The following TRABD2B variants were observed in gnomAD, a reference collection of about 807,000 sequenced individuals.
TRABD2B encodes the protein TraB domain containing 2B.
A neutral mutation model predicts 40.1 loss-of-function variants in TRABD2B; 14 were observed. The ratio of observed to expected loss-of-function variants is 0.35; its 90% confidence interval spans 0.23 to 0.55. TRABD2B has a LOEUF of 0.55. Among genes scored for constraint, TRABD2B ranks in the 20% least tolerant of loss-of-function variants. The pLI is 0.90. For missense variants in TRABD2B, 541 were observed against 648.6 expected, an observed-to-expected ratio of 0.83 and a Z score of 1.80; for synonymous variants, 263 against 277.0, an observed-to-expected ratio of 0.95 and a Z score of 0.50.
intron 2 of TRABD2B, among the ~76,000 whole-genome samples, chr1:47,953,913 G>A (rs1645381299): frequency 6.6e-6 from 1 of 152,154 alleles, no homozygotes; most frequent in Non-Finnish European, 1.5e-5. Flanking sequence ...ACATGAATTC[G>A]GAGAATCAGA....
intron 2 of TRABD2B, among the ~76,000 whole-genome samples, chr1:47,835,636 A>T (rs1645308529): frequency 6.6e-6 from 1 of 152,244 alleles, no homozygotes; most frequent in Non-Finnish European, 1.5e-5. Flanking sequence ...TAAAAGGAAA[A>T]GAACGTCAAT....
chr1:47,996,757 G>A lies in TRABD2B; in HGVS notation c.33C>T (p.Ala11=). The part of the protein sequence containing the change: MHAALAGPLL[A]ALLATARARP... Reference sequence around the variant, plus strand: ...GGGCGCGAGCGGTGGCGAGGAGGGCGGCGAGCAGCGGCCCCGCCAGGGCGG... The same window carrying A: ...GGGCGCGAGCGGTGGCGAGGAGGGCAGCGAGCAGCGGCCCCGCCAGGGCGG... The change falls in exon 1 of 7, where the codon GCC becomes GCT. Residue 11 remains alanine (A), a synonymous_variant. Transcript: ENST00000606738. The surrounding 1 kb of genome is among the most constrained non-coding windows in gnomAD (Gnocchi z 4.6). The A allele has an allele frequency of 2.5e-6, 3 of 1,218,964 alleles. No individual in the cohort carries two copies. Among genetic ancestry groups the A allele is most frequent in the Non-Finnish European group, 3.1e-6 (3 of 979,118 alleles). 75.5% of individuals were successfully genotyped at this position (1,218,964 alleles called of 1,614,324 possible).
chr1:47,957,170 A>G (rs1645436892), intron 2 of TRABD2B, among the ~76,000 whole-genome samples: 1 of 152,224 alleles, frequency 6.6e-6, no homozygotes, highest in Non-Finnish European at 1.5e-5. Context: ...AAAACTCACA[A>G]ACAGAAAGGA....
intron 2 of TRABD2B, among the ~76,000 whole-genome samples, chr1:47,991,414 A>G (rs1250092263): frequency 1.3e-5 from 2 of 152,096 alleles, no homozygotes; most frequent in Admixed American, 1.3e-4. Context: ...GGGCCCAGAG[A>G]GAGGAAGTGA....
intron 6 of TRABD2B, among the ~76,000 whole-genome samples, chr1:47,766,800 T>C (rs910682581): frequency 6.6e-6 from 1 of 152,154 alleles, no homozygotes; most frequent in African/African-American, 2.4e-5. Context: ...CTTTGCACAG[T>C]TGCAGGATAT....
At chr1:47,850,242 C>T (rs1645529755) in intron 2 of TRABD2B, among the ~76,000 whole-genome samples, 1 of 152,198 alleles carries the variant, frequency 6.6e-6, no homozygotes, top group South Asian at 2.1e-4. Context: ...GGGCAAAGGC[C>T]TGAACACAGA....
At chr1:47,883,104 T>C (rs1267162076) in intron 2 of TRABD2B, among the ~76,000 whole-genome samples, 2 of 152,184 alleles carry the variant, frequency 1.3e-5, no homozygotes, top group African/African-American at 4.8e-5. Flanking sequence ...AGTGCCTGAT[T>C]TGTCTTATCT....
At chr1:47,791,776 C>T (rs757431673) in intron 4 of TRABD2B, among the ~76,000 whole-genome samples, 1 of 152,226 alleles carries the variant, frequency 6.6e-6, no homozygotes, top group Non-Finnish European at 1.5e-5. Flanking sequence ...ACTTCCCTCA[C>T]CACAGCTTTC....
intron 2 of TRABD2B, among the ~76,000 whole-genome samples, chr1:47,987,650 A>AG (rs1645938342): frequency 6.6e-6 from 1 of 152,132 alleles, no homozygotes; most frequent in Non-Finnish European, 1.5e-5. Flanking sequence ...GGTCATGGAG[A>AG]GGGGATGGAC....
At chr1:47,922,126 G>C (rs1232517269) in intron 2 of TRABD2B, among the ~76,000 whole-genome samples, 1 of 152,046 alleles carries the variant, frequency 6.6e-6, no homozygotes, top group Non-Finnish European at 1.5e-5. Flanking sequence ...TTAGCCAGCG[G>C]GATGATTAAT....
intron 6 of TRABD2B, among the ~76,000 whole-genome samples, chr1:47,772,226 C>A (rs1056000885): frequency 6.6e-6 from 1 of 151,990 alleles, no homozygotes; most frequent in Non-Finnish European, 1.5e-5. Context: ...AATAGGCCTA[C>A]CTTCCACAAT....
intron 2 of TRABD2B, among the ~76,000 whole-genome samples, chr1:47,962,468 A>T (rs892861032): frequency 6.6e-6 from 1 of 152,182 alleles, no homozygotes; most frequent in Non-Finnish European, 1.5e-5. Flanking sequence ...CCCTTCACCC[A>T]TCTAGAAACT....
intron 2 of TRABD2B, among the ~76,000 whole-genome samples, chr1:47,894,659 A>C (rs973244117): frequency 3.9e-5 from 6 of 152,216 alleles, no homozygotes; most frequent in Non-Finnish European, 8.8e-5. Flanking sequence ...CATGGGACCA[A>C]GTCATTGTGT....
chr1:47,978,694 T>G (rs1313090846), intron 2 of TRABD2B, among the ~76,000 whole-genome samples: 2 of 152,218 alleles, frequency 1.3e-5, no homozygotes, highest in African/African-American at 4.8e-5. Flanking sequence ...TTTGGATATT[T>G]ACTTTTCTCA....
intron 2 of TRABD2B, among the ~76,000 whole-genome samples, chr1:47,905,306 G>A (rs769323829): frequency 6.6e-6 from 1 of 152,232 alleles, no homozygotes; most frequent in African/African-American, 2.4e-5. Context: ...ACTATGGCGT[G>A]AGGAGCAATG....
At position 47,766,010 on chromosome 1, in the gene TRABD2B, C is replaced by T. The variant is rs1218631286; in HGVS notation, c.1446G>A (p.Gln482=). The part of the protein sequence containing the change: ...PFQLSDQLQQ[Q]DPPGPASSSA... ...AGCTGCTGGCGGGCCCTGGCGGGTC[C>T]TGCTGTTGTAGCTGGTCTGAAAGCT... The change falls in exon 7 of 7, where the codon CAG becomes CAA. Residue 482 remains glutamine, a synonymous_variant. Coordinates refer to ENST00000606738, the MANE Select transcript of TRABD2B (RefSeq NM_001194986.2). 4 of 697,630 alleles carry T rather than the reference C, an allele frequency of 5.7e-6. No individual in the cohort carries two copies. The East Asian group carries it at 8.1e-5, about 14-fold the overall frequency. The allele number at this position is 697,630 out of a possible 1,614,324, so 43.2% of individuals were successfully genotyped here. A position where few individuals can be genotyped will look rare whatever the true frequency, so the allele number is the denominator to read the frequency against.
intron 2 of TRABD2B, among the ~76,000 whole-genome samples, chr1:47,829,435 C>A (rs1417537540): frequency 6.6e-6 from 1 of 152,076 alleles, no homozygotes; most frequent in Non-Finnish European, 1.5e-5. Context: ...TGACTGCTGG[C>A]ATATCACTCC....
At chr1:47,945,005 T>C (rs1466829123) in intron 2 of TRABD2B, among the ~76,000 whole-genome samples, 1 of 151,496 alleles carries the variant, frequency 6.6e-6, no homozygotes, top group Non-Finnish European at 1.5e-5. Context: ...GCAGGACATG[T>C]AGTTCAGTGA....
At chr1:47,860,316 A>G (rs1440927771) in intron 2 of TRABD2B, among the ~76,000 whole-genome samples, 2 of 152,096 alleles carry the variant, frequency 1.3e-5, no homozygotes, top group African/African-American at 4.8e-5. Context: ...CCAAGCTACC[A>G]CAGCTGCACA....
Sources: gnomAD v4.1 joint callset for allele counts (sites outside exome capture counted in the v4.1 genomes callset) on GRCh38, gnomAD v4.1.1 for gene constraint, Gnocchi (gnomAD v3.1) non-coding constraint, MANE v1.5 for transcripts, NCBI Gene and HGNC (gene_info 2026-07-23, HGNC 2026-07-21) for gene names.